Variants in AMPH observed in about 807,000 individuals in gnomAD.
The protein encoded by AMPH is amphiphysin (Stiff-Mann syndrome with breast cancer 128kD autoantigen).
In AMPH, 49 loss-of-function variants were observed where a neutral mutation model predicts 99.1. That is an observed-to-expected ratio of 0.49 (90% CI 0.39 to 0.63). The LOEUF (loss-of-function observed/expected upper bound fraction) is 0.63, where lower values mean the gene tolerates loss of function less well. Among genes scored for constraint, AMPH ranks in the 20% least tolerant of loss-of-function variants. The pLI, the probability that AMPH is intolerant of heterozygous loss-of-function variation, is 0.00. For missense variants in AMPH, 759 were observed against 863.4 expected (o/e 0.88, Z 1.52); for synonymous variants, 314 against 317.3 (o/e 0.99, Z 0.11).
chr7:38,477,797 G>A (rs12531058), intron 5 of AMPH, among the ~76,000 whole-genome samples: 8,096 of 152,054 alleles, frequency 0.053, 475 homozygotes, highest in East Asian at 0.29. Flanking sequence ...ACTGCTTCTC[G>A]GGGAGCAATA....
At chr7:38,477,964 G>C (rs1196653666) in intron 5 of AMPH, among the ~76,000 whole-genome samples, 1 of 152,068 alleles carries the variant, frequency 6.6e-6, no homozygotes, top group Non-Finnish European at 1.5e-5. Flanking sequence ...ACAAGTAGTG[G>C]ACTGCTCCAA....
intron 9 of AMPH, among the ~76,000 whole-genome samples, chr7:38,463,764 G>A (rs183011332): frequency 7.9e-5 from 12 of 152,244 alleles, no homozygotes; most frequent in Admixed American, 2.6e-4. Context: ...ATTCAGTTTC[G>A]TTTACTAAGA....
At chr7:38,449,540 G>C (rs1786924403) in intron 11 of AMPH, among the ~76,000 whole-genome samples, 1 of 152,204 alleles carries the variant, frequency 6.6e-6, no homozygotes, top group Non-Finnish European at 1.5e-5. Context: ...TTGAAAGATA[G>C]TGAAGCCTAA....
chr7:38,426,714 TAG>T (rs1244334322), intron 15 of AMPH, among the ~76,000 whole-genome samples: 2 of 152,214 alleles, frequency 1.3e-5, no homozygotes, highest in Non-Finnish European at 2.9e-5. Context: ...AGGGAGAACT[TAG>T]TGTGTGCTAG....
At chr7:38,598,145 AT>A (rs1340288383) in intron 1 of AMPH, among the ~76,000 whole-genome samples, 2 of 152,162 alleles carry the variant, frequency 1.3e-5, no homozygotes, top group African/African-American at 4.8e-5. Context: ...TTGTCTATTT[AT>A]ATTTGTAATA....
At chr7:38,503,602 G>T (rs1407678206) in intron 3 of AMPH, 48 bp downstream of exon 3, 1 of 1,584,206 alleles carries the variant, frequency 6.3e-7, no homozygotes, top group African/African-American at 1.4e-5. Context: ...TGAATTCCAA[G>T]AACAACCTGT....
intron 17 of AMPH, among the ~76,000 whole-genome samples, chr7:38,394,502 T>A (rs905367844): frequency 6.6e-6 from 1 of 152,202 alleles, no homozygotes; most frequent in African/African-American, 2.4e-5. Flanking sequence ...GACATGGCTT[T>A]TAAGGTGTAG....
chr7:38,395,299 T>A (rs758679117), intron 17 of AMPH, among the ~76,000 whole-genome samples: 4 of 152,154 alleles, frequency 2.6e-5, no homozygotes, highest in Non-Finnish European at 5.9e-5. Flanking sequence ...TGTAATCAAA[T>A]ATGCATGGTA....
chr7:38,475,367 A>G lies in AMPH; in HGVS notation c.554T>C (p.Val185Ala). 1 of 1,613,354 alleles carries G rather than the reference A, an allele frequency of 6.2e-7. No homozygotes were observed. Among genetic ancestry groups the G allele is most frequent in the South Asian group, 1.1e-5 (1 of 91,030 alleles). ...KAQKVFEEFNVDLQEELPSLW... is the reference protein window; with the variant it reads ...KAQKVFEEFNADLQEELPSLW... ...TGATGGTAACTCTTCTTGTAAGTCA[A>G]CGTTAAACTCTTCAAACACTTTCTG... The change falls in exon 7 of 21, where the codon GTT becomes GCT. Residue 185 changes from valine (V) to alanine (A), a missense_variant. Coordinates refer to ENST00000356264, the MANE Select transcript of AMPH (RefSeq NM_001635.4).
chr7:38,534,117 C>T (rs568247137), intron 2 of AMPH, among the ~76,000 whole-genome samples: 175 of 151,764 alleles, frequency 1.2e-3, no homozygotes, highest in African/African-American at 3.9e-3. Flanking sequence ...ATTTTAATAC[C>T]GTAAGTATAC....
chr7:38,401,035 A>G (rs111786895), intron 17 of AMPH, among the ~76,000 whole-genome samples: 1 of 152,208 alleles, frequency 6.6e-6, no homozygotes, highest in Admixed American at 6.5e-5. Flanking sequence ...CTTACAAAAC[A>G]TGAGTCATGT....
At chr7:38,534,857 C>T (rs7785138) in intron 2 of AMPH, 74 bp downstream of exon 2, 155,141 of 1,254,444 alleles carry the variant, frequency 0.12, 11,348 homozygotes, top group East Asian at 0.27. Context: ...AATCTTAATG[C>T]ATTTTACTTA....
chr7:38,395,425 CAGA>C (rs1402758192), intron 17 of AMPH, among the ~76,000 whole-genome samples: 1 of 152,220 alleles, frequency 6.6e-6, no homozygotes, highest in African/African-American at 2.4e-5. Flanking sequence ...GGTAGAAACA[CAGA>C]AGAAGAGTTT....
intron 5 of AMPH, among the ~76,000 whole-genome samples, chr7:38,482,844 T>C (rs1449865636): frequency 6.6e-6 from 1 of 152,108 alleles, no homozygotes; most frequent in East Asian, 1.9e-4. Context: ...TAAATTACCA[T>C]GCAATAAAGG....
rs564878225 is a variant in AMPH, at chr7:38,620,811, GAC to G, written c.69+10470_69+10471del. On this transcript the variant is annotated intron_variant, in intron 1 of 20. Transcript: ENST00000356264. Reference sequence around the variant, plus strand: ...GCTGTTGTAAAAAAGGATTTTGGATGACAGATAGTTCAGAGGGCAAGTCAGCT... The same window carrying G: ...GCTGTTGTAAAAAAGGATTTTGGATGAGATAGTTCAGAGGGCAAGTCAGCT... Among the ~76,000 whole-genome samples the G allele has an allele frequency of 2.8e-3, 421 of 152,236 alleles. 1 individual carries two copies. Among genetic ancestry groups the G allele is most frequent in the African/African-American group, 9.8e-3 (406 of 41,544 alleles).
chr7:38,533,395 C>A (rs1357431690), intron 2 of AMPH, among the ~76,000 whole-genome samples: 1 of 152,174 alleles, frequency 6.6e-6, no homozygotes, highest in East Asian at 1.9e-4. Flanking sequence ...GTTTGCTATC[C>A]CATTCATGGT....
At chr7:38,429,302 G>C (rs1785908451) in intron 14 of AMPH, 1 of 1,287,334 alleles carries the variant, frequency 7.8e-7, no homozygotes, top group Non-Finnish European at 1.0e-6. Flanking sequence ...CTGGCCCCGG[G>C]GCATGCTCAC....
At chr7:38,399,250 A>G (rs1056862976) in intron 17 of AMPH, among the ~76,000 whole-genome samples, 9 of 152,330 alleles carry the variant, frequency 5.9e-5, no homozygotes, top group Non-Finnish European at 7.4e-5. Context: ...TTGATTTTAC[A>G]GGGCTTAAAA....
chr7:38,612,248 G>C (rs1034318391), intron 1 of AMPH, among the ~76,000 whole-genome samples: 1 of 151,982 alleles, frequency 6.6e-6, no homozygotes, highest in African/African-American at 2.4e-5. Flanking sequence ...GGCTAATTCT[G>C]TATTTTTAGT....
Sources: allele counts gnomAD v4.1 joint callset (sites outside exome capture counted in the v4.1 genomes callset), GRCh38; gene constraint gnomAD v4.1.1; transcripts MANE v1.5; gene names NCBI Gene and HGNC (gene_info 2026-07-23, HGNC 2026-07-21).